Variants in TCF7 observed in about 807,000 individuals in gnomAD.
TCF7 encodes transcription factor 7, also known as T-cell-factor-7.
A neutral mutation model predicts 46.8 loss-of-function variants in TCF7; 19 were observed. The ratio of observed to expected loss-of-function variants is 0.41; its 90% CI spans 0.28 to 0.60. The LOEUF (loss-of-function observed/expected upper bound fraction) is 0.60, where lower values mean the gene tolerates loss of function less well. Ranked by LOEUF, TCF7 falls within the 20% of genes least tolerant of loss-of-function variation. The probability of loss-of-function intolerance (pLI) is 0.35; values close to 1 mark genes in which losing one functional copy is unlikely to be tolerated. For missense variants in TCF7, 547 were observed against 504.6 expected (o/e 1.08, Z -0.81); for synonymous variants, 245 against 213.4 (o/e 1.15, Z -1.29).
intron 3 of TCF7, among the ~76,000 whole-genome samples, chr5:134,126,269 G>C (rs1757332452): frequency 6.6e-6 from 1 of 152,196 alleles, no homozygotes; most frequent in Non-Finnish European, 1.5e-5. Flanking sequence ...AGCCACCCCA[G>C]AGCTCGCTGG....
rs1316267669 is a variant in TCF7 at position 134,114,711 on chromosome 5, C to T, written c.-196C>T. The T allele has an allele frequency of 2.8e-6, 1 of 356,392 alleles. No individual in the cohort carries two copies. The highest frequency in any genetic ancestry group is 3.9e-6 in the Non-Finnish European group (1 of 256,772). The allele number at this position is 356,392 out of a possible 1,614,324, so 22.1% of individuals were successfully genotyped here. On this transcript the variant is annotated 5_prime_UTR_variant, in exon 1 of 10. Transcript: ENST00000342854. The stretch of plus-strand genomic sequence containing the variant: ...GCCGGCGGCGCCTTTGATGTTCCGA[C>T]CCGCCAGCTCGCGGAGCCGCTCTGC...
At chr5:134,128,935 G>T (rs1757719767) in intron 3 of TCF7, among the ~76,000 whole-genome samples, 1 of 150,916 alleles carries the variant, frequency 6.6e-6, no homozygotes, top group African/African-American at 2.5e-5. Context: ...CTAGGGCCAG[G>T]GGGAGGTTCA....
At chr5:134,145,714 G>C (rs2149363134) in intron 9 of TCF7, 4 of 1,613,024 alleles carry the variant, frequency 2.5e-6, no homozygotes, top group Non-Finnish European at 3.4e-6. Flanking sequence ...GTCTTCAGGG[G>C]AAGTTCTATT....
At chr5:134,111,945 G>C (rs911500942), upstream of TCF7, among the ~76,000 whole-genome samples, 2 of 152,206 alleles carry the variant, frequency 1.3e-5, no homozygotes, top group African/African-American at 4.8e-5. Context: ...CTATGTCACA[G>C]GGTTGGTGTG....
At chr5:134,116,372 T>C (rs969170798) in intron 3 of TCF7, among the ~76,000 whole-genome samples, 12 of 152,270 alleles carry the variant, frequency 7.9e-5, no homozygotes, top group Non-Finnish European at 1.3e-4. Flanking sequence ...CTCGCTGCTC[T>C]GATCTGAGCT....
chr5:134,124,807 A>G (rs1338248504), intron 3 of TCF7, among the ~76,000 whole-genome samples: 1 of 152,102 alleles, frequency 6.6e-6, no homozygotes, highest in Non-Finnish European at 1.5e-5. Context: ...GGCCCCAGGG[A>G]ACAGTGGGTG....
At chr5:134,110,939 G>A (rs912186927), upstream of TCF7, among the ~76,000 whole-genome samples, 6 of 152,166 alleles carry the variant, frequency 3.9e-5, no homozygotes, top group African/African-American at 1.2e-4. Flanking sequence ...TTTACATGAC[G>A]TTACATGAAG....
chr5:134,146,251 A>C lies in TCF7; in HGVS notation c.1103A>C (p.Tyr368Ser). Residue 368 changes from tyrosine to serine, a missense_variant, in exon 10 of 10, where the codon TAC becomes TCC. Tyr to Ser is a moderately radical substitution (Grantham distance 144). Coordinates refer to ENST00000342854, the MANE Select transcript of TCF7 (RefSeq NM_003202.5). ...GGAAAAAGAAATGCATTCGGTACTT[A>C]CCCGGAGAAGGCCGCTGCCCCAGCC... is the stretch of plus-strand genomic sequence containing the variant. ...TGGKRNAFGT[Y>S]PEKAAAPAPF... The C allele has an allele frequency of 6.2e-7, 1 of 1,614,152 alleles. No homozygotes were observed. Among genetic ancestry groups the C allele is most frequent in the Non-Finnish European group, 8.5e-7 (1 of 1,180,022 alleles).
At chr5:134,110,177 C>T (rs1180764027), upstream of TCF7, among the ~76,000 whole-genome samples, 1 of 152,204 alleles carries the variant, frequency 6.6e-6, no homozygotes, top group Non-Finnish European at 1.5e-5. Context: ...ATAATTTGCC[C>T]ATCACCTCTC....
the TCF7 span, among the ~76,000 whole-genome samples, chr5:134,109,219 A>G: frequency 6.6e-6 from 1 of 152,222 alleles, no homozygotes; most frequent in African/African-American, 2.4e-5. Context: ...GATAAGCAAC[A>G]AAGCCCTGTA....
intron 3 of TCF7, among the ~76,000 whole-genome samples, chr5:134,136,056 T>A (rs534941420): frequency 6.6e-6 from 1 of 151,562 alleles, no homozygotes; most frequent in Non-Finnish European, 1.5e-5. Flanking sequence ...CAAGAGACTG[T>A]CTGGCTGGGT....
intron 3 of TCF7, among the ~76,000 whole-genome samples, chr5:134,128,518 C>T (rs1008686348): frequency 4.6e-5 from 7 of 151,862 alleles, no homozygotes; most frequent in African/African-American, 9.7e-5. Context: ...GCTTCATGAC[C>T]GTGGCGGCCT....
rs571605494 is a variant in TCF7 at position 134,122,242 on chromosome 5, G to T, written c.441+6209G>T. 3.5e-3 allele frequency among the ~76,000 whole-genome samples: 538 copies of T among 152,214 alleles called. 4 individuals are homozygous for T. The highest frequency in any genetic ancestry group is 4.7e-3 in the Non-Finnish European group (321 of 67,994). On this transcript the variant is annotated intron_variant, in intron 3 of 9. Coordinates refer to ENST00000342854, the MANE Select transcript of TCF7 (RefSeq NM_003202.5). ...GTCCTGGGGTCAGGGAGGGATGGCC[G>T]GGAATTTAGGGCGGTTTGCCCCTCC...
At chr5:134,141,524 G>A (rs921908951) in intron 5 of TCF7, 1 of 152,362 alleles carries the variant, frequency 6.6e-6, no homozygotes, top group Non-Finnish European at 1.5e-5. Flanking sequence ...GCTGAGTGAT[G>A]GGGAAGCCCC....
rs1058023 is a variant in TCF7 at position 134,147,691 on chromosome 5, C to T, written c.*1388C>T. 0.26 allele frequency: 39,213 copies of T among 152,204 alleles called. 6,265 individuals are homozygous for T. The highest frequency in any genetic ancestry group is 0.45 in the East Asian group (2,303 of 5,172). The allele number at this position is 152,204 out of a possible 1,614,324, so 9.4% of individuals were successfully genotyped here. On this transcript the variant is annotated 3_prime_UTR_variant, in exon 10 of 10. Transcript: ENST00000342854. ...GCCTAAATCCAAAGAAAAAGGGCTGCCGGGCCAGGCGCGGTGGCTCACGCC... is the reference window on the plus strand; with the variant it reads ...GCCTAAATCCAAAGAAAAAGGGCTGTCGGGCCAGGCGCGGTGGCTCACGCC...
intron 5 of TCF7, chr5:134,139,279 C>T: frequency 1.8e-6 from 1 of 568,410 alleles, no homozygotes; most frequent in Admixed American, 3.1e-5. Context: ...GAGAGCTGGT[C>T]CCTGGTCCCA....
chr5:134,108,989 C>T, the TCF7 span, among the ~76,000 whole-genome samples: 1 of 152,208 alleles, frequency 6.6e-6, no homozygotes, highest in African/African-American at 2.4e-5. Context: ...ATGCATAAAA[C>T]AGCCAGGAGG....
intron 9 of TCF7, chr5:134,144,471 T>G (rs970514331): frequency 8.6e-6 from 3 of 350,558 alleles, no homozygotes; most frequent in African/African-American, 6.3e-5. Flanking sequence ...CTCCATGGTC[T>G]TCCTTGGGCC....
At chr5:134,112,162 T>C (rs1755338079), upstream of TCF7, among the ~76,000 whole-genome samples, 1 of 152,128 alleles carries the variant, frequency 6.6e-6, no homozygotes, top group African/African-American at 2.4e-5. Flanking sequence ...TCCTAAGCCA[T>C]CCAGGCCCAC....
Sources: allele counts gnomAD v4.1 joint callset (sites outside exome capture counted in the v4.1 genomes callset), GRCh38; gene constraint gnomAD v4.1.1; transcripts MANE v1.5; gene names NCBI Gene and HGNC (gene_info 2026-07-23, HGNC 2026-07-21).